The following CARMIL1 variants were observed in gnomAD, a reference collection of about 807,000 sequenced individuals.
CARMIL1 encodes F-actin-uncapping protein LRRC16A.
Under a neutral mutation model 177.1 loss-of-function variants are expected in CARMIL1, and 90 were observed. That is an observed-to-expected ratio of 0.51 (90% CI 0.43 to 0.61). CARMIL1 has a LOEUF of 0.61. Among genes scored for constraint, CARMIL1 ranks in the 20% least tolerant of loss-of-function variants. The pLI, the probability that CARMIL1 is intolerant of heterozygous loss-of-function variation, is 0.00. For synonymous variants in CARMIL1, 577 were observed against 606.2 expected, an observed-to-expected ratio of 0.95 and a Z score of 0.71; for missense variants, 1,380 against 1,667.0, an observed-to-expected ratio of 0.83 and a Z score of 3.00.
At position 25,369,254 on chromosome 6, in the gene CARMIL1, C is replaced by T. The variant is rs114710086; in HGVS notation, c.139-50860C>T. 2.3e-3 allele frequency among the ~76,000 whole-genome samples: 349 copies of T among 152,280 alleles called. 1 individual carries two copies. The highest frequency in any genetic ancestry group is 4.1e-3 in the Non-Finnish European group (278 of 68,028). ...AACTCATCATAACCTGGTTTTACCC[C>T]GTAGCATGGCCCTGTGCCATCGACA... On this transcript the variant is annotated intron_variant, in intron 2 of 36. Coordinates refer to ENST00000329474, the MANE Select transcript of CARMIL1 (RefSeq NM_017640.6).
At chr6:25,428,562 G>C (rs1418373089) in intron 4 of CARMIL1, among the ~76,000 whole-genome samples, 1 of 152,138 alleles carries the variant, frequency 6.6e-6, no homozygotes, top group Non-Finnish European at 1.5e-5. Context: ...TCTATAAAAA[G>C]CTTGCTGGAA....
At chr6:25,507,710 T>A (rs919898803) in intron 17 of CARMIL1, among the ~76,000 whole-genome samples, 1 of 152,210 alleles carries the variant, frequency 6.6e-6, no homozygotes, top group Non-Finnish European at 1.5e-5. Context: ...ACAGAAATTT[T>A]ATTTCTCAAC....
At chr6:25,479,322 A>G (rs577433461) in intron 11 of CARMIL1, 1 of 470,210 alleles carries the variant, frequency 2.1e-6, no homozygotes, top group South Asian at 1.6e-5. Context: ...AGATTTTTTA[A>G]TAATAGATTT....
At chr6:25,456,347 C>T (rs950390726) in intron 8 of CARMIL1, among the ~76,000 whole-genome samples, 5 of 152,138 alleles carry the variant, frequency 3.3e-5, no homozygotes, top group Non-Finnish European at 1.5e-5. Context: ...GGACCAGTCC[C>T]TCTGTTGTTG....
intron 2 of CARMIL1, among the ~76,000 whole-genome samples, chr6:25,344,220 G>A (rs1268514164): frequency 6.6e-6 from 1 of 152,080 alleles, no homozygotes; most frequent in Admixed American, 6.6e-5. Flanking sequence ...CAAGCCTCAT[G>A]TGGTACCTCC....
At chr6:25,518,672 G>A (rs1806250056) in intron 22 of CARMIL1, among the ~76,000 whole-genome samples, 1 of 152,204 alleles carries the variant, frequency 6.6e-6, no homozygotes, top group Non-Finnish European at 1.5e-5. Context: ...TGTTGTTGTA[G>A]ACTGCCAGTG....
chr6:25,330,166 C>T (rs181482630), intron 2 of CARMIL1, among the ~76,000 whole-genome samples: 199 of 152,280 alleles, frequency 1.3e-3, no homozygotes, highest in Non-Finnish European at 1.6e-3. Flanking sequence ...AACATGCAGA[C>T]TTGAACAGTA....
chr6:25,620,082 T>G lies in CARMIL1; in HGVS notation c.*499T>G, dbSNP rs1355809950. The G allele has an allele frequency of 6.5e-6, 1 of 152,766 alleles. No individual in the cohort carries two copies. Among genetic ancestry groups the G allele is most frequent in the Non-Finnish European group, 1.5e-5 (1 of 68,124 alleles). The allele number at this position is 152,766 out of a possible 1,614,324, so 9.5% of individuals were successfully genotyped here. A position where few individuals can be genotyped will look rare whatever the true frequency, so the allele number is the denominator to read the frequency against. ...TCTTGATGTATGCAATTGCACATTG[T>G]AATTATATTAACAGAGCACACTAAT... On this transcript the variant is annotated 3_prime_UTR_variant, in exon 37 of 37. Transcript: ENST00000329474.
rs1010495949 is a variant in CARMIL1, at chr6:25,281,148, A to G, written c.40+1313A>G. ...CGTGTGCGCGCGCGCACACACACAC[A>G]CACACACACACACACACACACGCAC... On this transcript the variant is annotated intron_variant, in intron 1 of 36. Transcript: ENST00000329474. 2.4e-3 allele frequency among the ~76,000 whole-genome samples: 348 copies of G among 147,572 alleles called. 4 individuals are homozygous for G. In the South Asian group the frequency reaches 0.025, roughly 11 times the overall value.
chr6:25,525,839 G>A (rs1807040375), intron 23 of CARMIL1, among the ~76,000 whole-genome samples: 1 of 152,100 alleles, frequency 6.6e-6, no homozygotes, highest in Admixed American at 6.6e-5. Context: ...TAGGAAAGAA[G>A]AGAAATGTAA....
chr6:25,599,501 A>G (rs988588599), intron 32 of CARMIL1, among the ~76,000 whole-genome samples: 1 of 152,056 alleles, frequency 6.6e-6, no homozygotes, highest in Non-Finnish European at 1.5e-5. Flanking sequence ...GATACTTCCT[A>G]CTTAGCTCAT....
At chr6:25,598,070 A>G (rs1815023989) in intron 32 of CARMIL1, among the ~76,000 whole-genome samples, 1 of 152,082 alleles carries the variant, frequency 6.6e-6, no homozygotes, top group Admixed American at 6.5e-5. Flanking sequence ...TTATGATGAT[A>G]TGTGCCCTGA....
intron 2 of CARMIL1, among the ~76,000 whole-genome samples, chr6:25,293,747 A>G (rs145229488): frequency 6.9e-6 from 1 of 145,336 alleles, no homozygotes; most frequent in African/African-American, 2.6e-5. Flanking sequence ...TTCCCTTTTG[A>G]CAGGGCCTCA....
At chr6:25,485,560 G>A (rs1291597213) in intron 12 of CARMIL1, among the ~76,000 whole-genome samples, 6 of 151,956 alleles carry the variant, frequency 3.9e-5, no homozygotes, top group Admixed American at 1.3e-4. Context: ...TCAGCCTCCC[G>A]AGTAGCTGGG....
At chr6:25,529,657 A>ATGAACAG (rs1291287915) in intron 24 of CARMIL1, among the ~76,000 whole-genome samples, 5 of 94,626 alleles carry the variant, frequency 5.3e-5, no homozygotes, top group South Asian at 7.4e-4. Context: ...ATAGGCTGCT[A>ATGAACAG]GAATGGCGTG....
intron 23 of CARMIL1, 27 bp downstream of exon 23, chr6:25,520,364 C>A: frequency 8.3e-7 from 1 of 1,200,778 alleles, no homozygotes; most frequent in South Asian, 1.4e-5. Context: ...AGCTTAATTA[C>A]AAGAAATTCA....
At chr6:25,505,575 C>T (rs987937872) in intron 17 of CARMIL1, among the ~76,000 whole-genome samples, 2 of 152,104 alleles carry the variant, frequency 1.3e-5, no homozygotes, top group African/African-American at 4.8e-5. Context: ...GCCTCAGCCT[C>T]CTGAGTAGCT....
chr6:25,527,857 T>G (rs914449745), intron 23 of CARMIL1, among the ~76,000 whole-genome samples: 42 of 152,238 alleles, frequency 2.8e-4, no homozygotes, highest in Admixed American at 7.8e-4. Flanking sequence ...GTAAAAATAC[T>G]TAGCGCTTCA....
chr6:25,438,021 T>A (rs530758429), intron 5 of CARMIL1, among the ~76,000 whole-genome samples: 1 of 152,330 alleles, frequency 6.6e-6, no homozygotes, highest in South Asian at 2.1e-4. Flanking sequence ...GCTTTCCTGA[T>A]AAAATGTAAA....
Sources: gnomAD v4.1 joint callset for allele counts (sites outside exome capture counted in the v4.1 genomes callset) on GRCh38, gnomAD v4.1.1 for gene constraint, MANE v1.5 for transcripts, NCBI Gene and HGNC (gene_info 2026-07-23, HGNC 2026-07-21) for gene names.